PRELID2: variants seen among roughly 807,000 people sequenced by gnomAD.
PRELID2 encodes the protein PRELI domain-containing protein 2.
PRELID2 carries 25 observed loss-of-function variants against 28.4 expected under a neutral mutation model. The ratio of observed to expected loss-of-function variants is 0.88; its 90% CI spans 0.64 to 1.23. The LOEUF (loss-of-function observed/expected upper bound fraction) is 1.23. Among genes scored for constraint, PRELID2 ranks in the 50% most tolerant of loss-of-function variants. The pLI, the probability that PRELID2 is intolerant of heterozygous loss-of-function variation, is 0.00. For missense variants in PRELID2, 201 were observed against 214.4 expected (o/e 0.94, Z 0.39); for synonymous variants, 76 against 71.6 (o/e 1.06, Z -0.31).
chr5:145,655,351 T>A (rs1754375115), intron 1 of PRELID2, among the ~76,000 whole-genome samples: 1 of 152,074 alleles, frequency 6.6e-6, no homozygotes, highest in South Asian at 2.1e-4. Flanking sequence ...TTCAATGCCA[T>A]CCCCATCAAG....
intron 1 of PRELID2, among the ~76,000 whole-genome samples, chr5:145,629,865 A>C (rs1379586046): frequency 6.6e-6 from 1 of 150,616 alleles, no homozygotes; most frequent in African/African-American, 2.5e-5. Flanking sequence ...ACCCCTATGA[A>C]CTATAGGTAT....
the PRELID2 span, among the ~76,000 whole-genome samples, chr5:145,336,430 C>T: frequency 1.3e-5 from 2 of 151,200 alleles, no homozygotes; most frequent in African/African-American, 2.4e-5. Context: ...GTCTTTAATC[C>T]ATCTTGAATT....
chr5:145,748,713 G>C (rs986306439), intron 1 of PRELID2, among the ~76,000 whole-genome samples: 1 of 152,172 alleles, frequency 6.6e-6, no homozygotes, highest in Non-Finnish European at 1.5e-5. Context: ...CACGCTACCT[G>C]ACTTCAAACT....
chr5:145,729,029 T>C, intron 1 of PRELID2: 2 of 669,498 alleles, frequency 3.0e-6, no homozygotes, highest in South Asian at 1.7e-5. Flanking sequence ...CATTGGGAGA[T>C]AATGTGAAAT....
intron 4 of PRELID2, among the ~76,000 whole-genome samples, chr5:145,804,836 G>C (rs369152): frequency 6.6e-6 from 1 of 152,160 alleles, no homozygotes; most frequent in Non-Finnish European, 1.5e-5. Context: ...TGATGGCGAA[G>C]CTTCAAATTA....
At chr5:145,591,914 G>T (rs901311665) in intron 1 of PRELID2, among the ~76,000 whole-genome samples, 1 of 152,272 alleles carries the variant, frequency 6.6e-6, no homozygotes, top group South Asian at 2.1e-4. Context: ...CTGTGCTATC[G>T]TCTAAACCTA....
chr5:145,260,420 T>C, the PRELID2 span, among the ~76,000 whole-genome samples: 1 of 152,072 alleles, frequency 6.6e-6, no homozygotes, highest in Non-Finnish European at 1.5e-5. Context: ...GAAAACTGAG[T>C]GAACATATCA....
intron 4 of PRELID2, among the ~76,000 whole-genome samples, chr5:145,802,079 G>A (rs1056490988): frequency 6.6e-6 from 1 of 152,196 alleles, no homozygotes; most frequent in Non-Finnish European, 1.5e-5. Flanking sequence ...TAATGCCCAT[G>A]TGCTCAGTCT....
the PRELID2 span, among the ~76,000 whole-genome samples, chr5:145,308,981 T>C: frequency 1.3e-5 from 2 of 152,122 alleles, no homozygotes; most frequent in Non-Finnish European, 2.9e-5. Flanking sequence ...TTCAAGAATG[T>C]ATTGGACAGC....
At chr5:145,684,404 G>A (rs1754996070) in intron 1 of PRELID2, among the ~76,000 whole-genome samples, 1 of 152,042 alleles carries the variant, frequency 6.6e-6, no homozygotes, top group African/African-American at 2.4e-5. Flanking sequence ...GTTATCCTGT[G>A]TTGTTTCAGA....
chr5:145,819,973 T>C lies in PRELID2; in HGVS notation c.179A>G (p.Gln60Arg), dbSNP rs1236635737. The change falls in exon 3 of 7, where the codon CAG becomes CGG. Residue 60 changes from glutamine (Q) to arginine (R), a missense_variant. By Grantham distance (43) the Gln-to-Arg change is conservative (BLOSUM62 1). Coordinates refer to ENST00000683046, the MANE Select transcript of PRELID2 (RefSeq NM_205846.3). ...CCTTAAAATTTCTGGAACCACGTTC[T>C]GACAGATTGCAATCCTCTTTCTGTA... ...VIYRKRIAIC[Q>R]NVVPEILRKV... 1.9e-6 allele frequency: 3 copies of C among 1,608,476 alleles called. No individual in the cohort carries two copies. Among genetic ancestry groups the C allele is most frequent in the Non-Finnish European group, 2.5e-6 (3 of 1,176,712 alleles).
At chr5:145,295,885 T>G in the PRELID2 span, among the ~76,000 whole-genome samples, 6 of 152,090 alleles carry the variant, frequency 3.9e-5, no homozygotes, top group African/African-American at 1.4e-4. Context: ...AAGGGATGAT[T>G]TGTGAGAATT....
chr5:145,642,412 T>G (rs1166966046), intron 1 of PRELID2, among the ~76,000 whole-genome samples: 1 of 152,240 alleles, frequency 6.6e-6, no homozygotes, highest in Non-Finnish European at 1.5e-5. Flanking sequence ...ATTCTGGATA[T>G]TAGCCCTTTG....
chr5:145,562,978 T>C (rs376118769), intron 1 of PRELID2, among the ~76,000 whole-genome samples: 1 of 152,226 alleles, frequency 6.6e-6, no homozygotes, highest in Non-Finnish European at 1.5e-5. Context: ...AGAGCATTCA[T>C]GGATATTTCC....
At chr5:145,599,879 C>A (rs1212295244) in intron 1 of PRELID2, among the ~76,000 whole-genome samples, 1 of 152,146 alleles carries the variant, frequency 6.6e-6, no homozygotes, top group African/African-American at 2.4e-5. Context: ...CCTAGCCCCT[C>A]AACACCCAAG....
intron 1 of PRELID2, among the ~76,000 whole-genome samples, chr5:145,648,871 T>C (rs1431052946): frequency 6.6e-6 from 1 of 151,432 alleles, no homozygotes; most frequent in Non-Finnish European, 1.5e-5. Context: ...TCGTGTTTTG[T>C]CTTTTATACA....
At chr5:145,650,554 A>G (rs1754276396) in intron 1 of PRELID2, among the ~76,000 whole-genome samples, 1 of 128,826 alleles carries the variant, frequency 7.8e-6, no homozygotes. Context: ...ATATATATAT[A>G]TATATATATA....
chr5:145,788,624 G>A (rs73306019), intron 5 of PRELID2, among the ~76,000 whole-genome samples: 4,944 of 152,078 alleles, frequency 0.033, 242 homozygotes, highest in African/African-American at 0.11. Context: ...GCCCACTCTC[G>A]CCACTTCTAT....
At chr5:145,275,613 G>A in the PRELID2 span, among the ~76,000 whole-genome samples, 1 of 152,276 alleles carries the variant, frequency 6.6e-6, no homozygotes, top group African/African-American at 2.4e-5. Context: ...ATAAGCGGAT[G>A]TCAGACCATT....
Sources: gnomAD v4.1 joint callset for allele counts (sites outside exome capture counted in the v4.1 genomes callset) on GRCh38, gnomAD v4.1.1 for gene constraint, MANE v1.5 for transcripts, NCBI Gene and HGNC (gene_info 2026-07-23, HGNC 2026-07-21) for gene names.